IL1RAPL1: variants seen among roughly 807,000 people sequenced by gnomAD.
The protein encoded by IL1RAPL1 is interleukin 1 receptor accessory protein like 1.
IL1RAPL1 carries 3 observed loss-of-function variants against 48.4 expected under a neutral mutation model. The ratio of observed to expected loss-of-function variants is 0.06; its 90% CI spans 0.03 to 0.16. The LOEUF (loss-of-function observed/expected upper bound fraction) is 0.16, where lower values mean the gene tolerates loss of function less well. Ranked by LOEUF, IL1RAPL1 falls within the 10% of genes least tolerant of loss-of-function variation. The pLI, the probability that IL1RAPL1 is intolerant of heterozygous loss-of-function variation, is 1.00. For synonymous variants in IL1RAPL1, 185 were observed against 187.7 expected (o/e 0.99, Z 0.12); for missense variants, 349 against 530.6 (o/e 0.66, Z 3.36).
chrX:29,690,078 A>G (rs150806175), intron 6 of IL1RAPL1, among the ~76,000 whole-genome samples: 10 of 111,936 alleles, frequency 8.9e-5, no homozygotes, highest in Non-Finnish European at 1.9e-4. Context: ...TATAAATCTT[A>G]TTGTTGTGTA....
At chrX:29,018,844 C>T (rs999937671) in intron 2 of IL1RAPL1, among the ~76,000 whole-genome samples, 5 of 111,915 alleles carry the variant, frequency 4.5e-5, no homozygotes, top group Non-Finnish European at 9.4e-5. Flanking sequence ...TGTATTAGTG[C>T]TTGCCAGGTT....
chrX:28,919,730 A>G (rs1923571747), intron 2 of IL1RAPL1, among the ~76,000 whole-genome samples: 1 of 112,148 alleles, frequency 8.9e-6, no homozygotes, highest in Non-Finnish European at 1.9e-5. Flanking sequence ...TGATAGATAC[A>G]TAAATAATAT....
intron 6 of IL1RAPL1, among the ~76,000 whole-genome samples, chrX:29,802,747 T>G (rs1367218616): frequency 2.8e-5 from 1 of 36,282 alleles, no homozygotes; most frequent in African/African-American, 8.6e-5. Context: ...GAGGAAAAAA[T>G]TATATATATA....
chrX:28,610,915 T>C (rs138193348), intron 1 of IL1RAPL1, among the ~76,000 whole-genome samples: 1 of 111,578 alleles, frequency 9.0e-6, no homozygotes, highest in African/African-American at 3.3e-5. Context: ...GTGAGCTCTT[T>C]GACAAGCAGT....
rs974858106 is a variant in IL1RAPL1, at chrX:29,793,350, C to T, written c.779-124114C>T. Among the ~76,000 whole-genome samples the T allele has an allele frequency of 6.2e-5, 7 of 112,341 alleles. No homozygotes were observed. In the East Asian group the frequency reaches 1.7e-3, roughly 27 times the overall value. On this transcript the variant is annotated intron_variant, in intron 6 of 10. Transcript: ENST00000378993. ...TTGTATTTATTAATATTAGGTTAAGCAAGAATGTACAAAGCCATAGCAGGT... is the reference window on the plus strand; with the variant it reads ...TTGTATTTATTAATATTAGGTTAAGTAAGAATGTACAAAGCCATAGCAGGT...
At chrX:29,920,815 A>G (rs1454741596) in intron 8 of IL1RAPL1, among the ~76,000 whole-genome samples, 49 of 98,691 alleles carry the variant, frequency 5.0e-4, no homozygotes, top group African/African-American at 1.8e-3. Context: ...AAAAAAAAAA[A>G]AAAGAAAAGA....
chrX:29,287,631 A>G lies in IL1RAPL1; in HGVS notation c.362+4414A>G, dbSNP rs185300607. 2.9e-4 allele frequency among the ~76,000 whole-genome samples: 33 copies of G among 112,296 alleles called. 1 individual carries two copies. The East Asian group carries it at 7.9e-3, about 27-fold the overall frequency. On this transcript the variant is annotated intron_variant, in intron 3 of 10. Coordinates refer to ENST00000378993, the MANE Select transcript of IL1RAPL1 (RefSeq NM_014271.4). Reference sequence around the variant, plus strand: ...TCTGGTAGGCATATTGTGATAACTCATTATGATTTTCATTTGCATTTTCCT... The same window carrying G: ...TCTGGTAGGCATATTGTGATAACTCGTTATGATTTTCATTTGCATTTTCCT...
rs1179973377 is a variant in IL1RAPL1, at chrX:28,704,831, C to CAAAAAAA, written c.-24-84477_-24-84471dup. Among the ~76,000 whole-genome samples the CAAAAAAA allele has an allele frequency of 3.6e-3, 108 of 29,634 alleles. 7 individuals carry two copies. Among genetic ancestry groups the CAAAAAAA allele is most frequent in the African/African-American group, 0.014 (91 of 6,354 alleles). 25.7% of individuals were successfully genotyped at this position (29,634 alleles called of 115,157 possible). ...ACACACACACACACACACACACACA[C>CAAAAAAA]AAAAAAAAAAAAAAAAAACTGTGAC... On this transcript the variant is annotated intron_variant, in intron 1 of 10. Coordinates refer to ENST00000378993, the MANE Select transcript of IL1RAPL1 (RefSeq NM_014271.4).
intron 2 of IL1RAPL1, among the ~76,000 whole-genome samples, chrX:29,025,706 T>C (rs771285530): frequency 9.0e-6 from 1 of 111,709 alleles, no homozygotes; most frequent in Non-Finnish European, 1.9e-5. Context: ...AAAAATACAC[T>C]CCTTCTTTAG....
chrX:28,880,758 C>T (rs1337189710), intron 2 of IL1RAPL1, among the ~76,000 whole-genome samples: 2 of 111,266 alleles, frequency 1.8e-5, no homozygotes, highest in Admixed American at 9.6e-5. Flanking sequence ...TCTAGTCTAT[C>T]ATTGCCTTTC....
At chrX:29,149,565 T>G (rs1282621252) in intron 2 of IL1RAPL1, among the ~76,000 whole-genome samples, 1 of 111,602 alleles carries the variant, frequency 9.0e-6, no homozygotes, top group Non-Finnish European at 1.9e-5. Flanking sequence ...CAATTTCAGA[T>G]TTGAAAGAAA....
chrX:29,833,328 TATAA>T (rs954713088), intron 6 of IL1RAPL1, among the ~76,000 whole-genome samples: 2 of 111,382 alleles, frequency 1.8e-5, no homozygotes, highest in Non-Finnish European at 3.8e-5. Flanking sequence ...TGTCATATAA[TATAA>T]ATCGTATTTA....
intron 2 of IL1RAPL1, among the ~76,000 whole-genome samples, chrX:29,135,780 G>A (rs1453076222): frequency 8.9e-6 from 1 of 111,826 alleles, no homozygotes; most frequent in African/African-American, 3.3e-5. Context: ...CGTCACCCAG[G>A]CTGGAGTGCA....
chrX:28,925,931 C>T (rs1264297494), intron 2 of IL1RAPL1, among the ~76,000 whole-genome samples: 1 of 111,309 alleles, frequency 9.0e-6, no homozygotes, highest in African/African-American at 3.3e-5. Flanking sequence ...CACACACACA[C>T]GAAAAGAACC....
intron 2 of IL1RAPL1, among the ~76,000 whole-genome samples, chrX:29,238,618 T>C (rs1931352655): frequency 8.9e-6 from 1 of 112,116 alleles, no homozygotes; most frequent in Admixed American, 9.5e-5. Flanking sequence ...GCCCCTCACA[T>C]GGCTCCTTTG....
intron 2 of IL1RAPL1, among the ~76,000 whole-genome samples, chrX:28,996,074 C>T (rs919120497): frequency 2.7e-5 from 3 of 111,301 alleles, no homozygotes; most frequent in Non-Finnish European, 5.7e-5. Context: ...AAAAAGAAAC[C>T]CCATGCCCAT....
intron 1 of IL1RAPL1, among the ~76,000 whole-genome samples, chrX:28,672,121 T>G (rs189691935): frequency 8.9e-6 from 1 of 112,367 alleles, no homozygotes; most frequent in African/African-American, 3.2e-5. Flanking sequence ...AATTACACTT[T>G]TAAATGTTCA....
At chrX:29,061,590 C>A (rs1927342440) in intron 2 of IL1RAPL1, among the ~76,000 whole-genome samples, 1 of 111,556 alleles carries the variant, frequency 9.0e-6, no homozygotes, top group South Asian at 3.8e-4. Flanking sequence ...TCCCAGGTAG[C>A]TGGTATTACA....
chrX:28,888,458 T>C (rs1249763508), intron 2 of IL1RAPL1, among the ~76,000 whole-genome samples: 2 of 111,385 alleles, frequency 1.8e-5, no homozygotes, highest in East Asian at 5.6e-4. Flanking sequence ...GTATGCCATG[T>C]CTGGTCTCGT....
Sources: gnomAD v4.1 joint callset for allele counts (sites outside exome capture counted in the v4.1 genomes callset) on GRCh38, gnomAD v4.1.1 for gene constraint, MANE v1.5 for transcripts, NCBI Gene and HGNC (gene_info 2026-07-23, HGNC 2026-07-21) for gene names.